Variants in AMZ1 observed in about 807,000 individuals in gnomAD.
AMZ1 encodes archaelysin family metallopeptidase 1.
Under a neutral mutation model 29.9 loss-of-function variants are expected in AMZ1, and 39 were observed. That is an observed-to-expected ratio of 1.30 (90% CI 1.01 to 1.70). AMZ1 has a LOEUF of 1.70. AMZ1 is among the 40% of genes most tolerant of loss of function. The pLI is 0.00. For synonymous variants in AMZ1, 458 were observed against 304.0 expected (o/e 1.51, Z -5.27); for missense variants, 1,041 against 680.6 (o/e 1.53, Z -5.89).
chr7:2,721,251 G>C (rs897923415), downstream of AMZ1, among the ~76,000 whole-genome samples: 1 of 152,222 alleles, frequency 6.6e-6, no homozygotes, highest in Non-Finnish European at 1.5e-5. Flanking sequence ...GGCCTGAGCC[G>C]GGCCCTGTGC....
intron 4 of AMZ1, among the ~76,000 whole-genome samples, chr7:2,738,906 G>T (rs570589975): frequency 1.3e-5 from 2 of 152,230 alleles, no homozygotes; most frequent in East Asian, 3.9e-4. Context: ...CCACGCTTTG[G>T]CCCCCTTGCC....
chr7:2,730,904 G>T (rs1364518470), intron 4 of AMZ1: 2 of 405,170 alleles, frequency 4.9e-6, no homozygotes, highest in African/African-American at 3.9e-5. Context: ...TAAAAGCAAA[G>T]CAAGCTGTGT....
At chr7:2,691,811 T>G (rs1000321711) in intron 1 of AMZ1, among the ~76,000 whole-genome samples, 2 of 151,406 alleles carry the variant, frequency 1.3e-5, no homozygotes, top group African/African-American at 4.9e-5. Context: ...TCAGGGCTGG[T>G]CCAGGGTGCC....
chr7:2,700,506 G>A lies in AMZ1; in HGVS notation c.55G>A (p.Asp19Asn), dbSNP rs1255352002. The A allele has an allele frequency of 1.2e-6, 2 of 1,606,304 alleles. No homozygotes were observed. ...CAGCTTCGGGCCCCGGGCCTTGAAG[G>A]ACGCTCTGGTCTCCACTGACGCAGC... ...EFSFGPRALKDALVSTDAALQ... is the reference protein window; with the variant it reads ...EFSFGPRALKNALVSTDAALQ... Residue 19 changes from aspartate to asparagine, a missense_variant, in exon 2 of 7, where the codon GAC becomes AAC. Transcript: ENST00000683327.
At position 2,731,765 on chromosome 7, in the gene AMZ1, A is replaced by G; in HGVS notation, n.550+21949A>G. ...GGAAAGTAATTCTGTAAAATACAGG[A>G]TGAGGCAGAAATTTAGGGGGAGGAA... On this transcript the variant is annotated intron_variant and non_coding_transcript_variant, in intron 4 of 4. Coordinates refer to the AMZ1 transcript ENST00000489665. The surrounding 1 kb of genome is among the most constrained non-coding windows in gnomAD (Gnocchi z 6.0). 1 of 1,364,158 alleles carries G rather than the reference A, an allele frequency of 7.3e-7. No homozygotes were observed. Among genetic ancestry groups the G allele is most frequent in the Non-Finnish European group, 9.9e-7 (1 of 1,011,364 alleles). The allele number at this position is 1,364,158 out of a possible 1,614,324, so 84.5% of individuals were successfully genotyped here. A position where few individuals can be genotyped will look rare whatever the true frequency, so the allele number is the denominator to read the frequency against.
chr7:2,758,978 A>G (rs1218054218), intron 4 of AMZ1, among the ~76,000 whole-genome samples: 1 of 151,916 alleles, frequency 6.6e-6, no homozygotes, highest in African/African-American at 2.4e-5. Context: ...CGTCTCTACT[A>G]AAAATACAAA....
At chr7:2,743,578 G>C (rs890716726) in intron 4 of AMZ1, among the ~76,000 whole-genome samples, 1 of 152,170 alleles carries the variant, frequency 6.6e-6, no homozygotes, top group Non-Finnish European at 1.5e-5. Flanking sequence ...GGCCGAATAG[G>C]AACAGCTCCG....
chr7:2,763,191 A>ACACACACACACACACACACACACACAC (rs1791652924), upstream of AMZ1: 4 of 216,890 alleles, frequency 1.8e-5, no homozygotes, highest in African/African-American at 1.1e-4. Flanking sequence ...AAGACACCCC[A>ACACACACACACACACACACACACACAC]ACACACACAC....
intron 1 of AMZ1, among the ~76,000 whole-genome samples, chr7:2,697,454 C>T (rs189231192): frequency 1.2e-3 from 185 of 151,940 alleles, no homozygotes; most frequent in African/African-American, 4.3e-3. Flanking sequence ...GACAGGGTCT[C>T]ACTCCCTCCT....
chr7:2,756,444 C>T (rs949557234), intron 4 of AMZ1, among the ~76,000 whole-genome samples: 1 of 152,118 alleles, frequency 6.6e-6, no homozygotes, highest in Admixed American at 6.5e-5. Context: ...GAGACCTCAT[C>T]TCTGCAAAAA....
intron 4 of AMZ1, among the ~76,000 whole-genome samples, chr7:2,742,620 G>C (rs1435390426): frequency 1.3e-5 from 2 of 152,132 alleles, no homozygotes; most frequent in African/African-American, 2.4e-5. Context: ...TTCCATATTA[G>C]TTCTAAAGTC....
chr7:2,684,084 A>G (rs559886840), upstream of AMZ1, among the ~76,000 whole-genome samples: 1 of 152,188 alleles, frequency 6.6e-6, no homozygotes, highest in South Asian at 2.1e-4. Flanking sequence ...AGGCTGAAGC[A>G]GGAGAATCGC....
intron 4 of AMZ1, among the ~76,000 whole-genome samples, chr7:2,757,604 T>C (rs1791364937): frequency 6.6e-6 from 1 of 152,232 alleles, no homozygotes; most frequent in Admixed American, 6.5e-5. Context: ...TGGCGAACTC[T>C]GGATGCCCAG....
Position 2,700,354 on chromosome 7 carries a change from C to A in AMZ1, c.-98C>A. The A allele has an allele frequency of 1.4e-6, 2 of 1,409,082 alleles. No individual in the cohort carries two copies. The highest frequency in any genetic ancestry group is 1.9e-6 in the Non-Finnish European group (2 of 1,048,924). 87.3% of individuals were successfully genotyped at this position (1,409,082 alleles called of 1,614,324 possible). On this transcript the variant is annotated 5_prime_UTR_variant, in exon 2 of 7. Coordinates refer to ENST00000683327, the MANE Select transcript of AMZ1 (RefSeq NM_001384743.1). Reference sequence around the variant, plus strand: ...AGCCCCCGGTAGCCACTCGGATCAGCCCGAGGGAAGATTCTGGACGAGACC... The same window carrying A: ...AGCCCCCGGTAGCCACTCGGATCAGACCGAGGGAAGATTCTGGACGAGACC...
intron 1 of AMZ1, among the ~76,000 whole-genome samples, chr7:2,694,226 G>A (rs952399643): frequency 3.9e-5 from 6 of 152,190 alleles, no homozygotes; most frequent in South Asian, 2.1e-4. Flanking sequence ...TAGAACAGAC[G>A]GCAGAGGGAG....
intron 1 of AMZ1, among the ~76,000 whole-genome samples, chr7:2,694,393 G>A (rs1787582484): frequency 6.6e-6 from 1 of 152,190 alleles, no homozygotes; most frequent in African/African-American, 2.4e-5. Flanking sequence ...CTGGGTCTCT[G>A]GCTTGTAGGC....
intron 4 of AMZ1, among the ~76,000 whole-genome samples, chr7:2,742,650 C>T (rs910501667): frequency 3.3e-5 from 5 of 152,222 alleles, no homozygotes; most frequent in African/African-American, 1.2e-4. Flanking sequence ...TGTCTACCCT[C>T]CCTGTCCCCG....
At position 2,715,727 on chromosome 7, in the gene AMZ1, G is replaced by A. The variant is rs1036842477; in HGVS notation, c.*2849G>A. 7 of 152,250 alleles carry A rather than the reference G, an allele frequency of 4.6e-5. No homozygotes were observed. The highest frequency in any genetic ancestry group is 1.7e-4 in the African/African-American group (7 of 41,458). 9.4% of individuals were successfully genotyped at this position (152,250 alleles called of 1,614,324 possible). On this transcript the variant is annotated 3_prime_UTR_variant, in exon 7 of 7. Transcript: ENST00000683327. ...CTCCCCCGTGTTAGCCCCAGGTTCT[G>A]TCTGTGCTGTGGTGAAGAGTGACTT...
chr7:2,708,866 G>T, intron 4 of AMZ1, 150 bp downstream of exon 4: 2 of 1,365,958 alleles, frequency 1.5e-6, no homozygotes, highest in Non-Finnish European at 1.0e-6. Flanking sequence ...GCCCCTTCCA[G>T]CTCCTCCTGA....
Sources: gnomAD v4.1 joint callset for allele counts (sites outside exome capture counted in the v4.1 genomes callset) on GRCh38, gnomAD v4.1.1 for gene constraint, Gnocchi (gnomAD v3.1) non-coding constraint, MANE v1.5 for transcripts, NCBI Gene and HGNC (gene_info 2026-07-23, HGNC 2026-07-21) for gene names.